Variants in HDAC8 observed in about 807,000 individuals in gnomAD.
HDAC8 encodes the protein histone deacetylase-like 1.
A neutral mutation model predicts 32.2 loss-of-function variants in HDAC8; 1 was observed. The ratio of observed to expected loss-of-function variants is 0.03; its 90% confidence interval spans 0.01 to 0.15. HDAC8 has a LOEUF of 0.15. Ranked by LOEUF, HDAC8 falls within the 10% of genes least tolerant of loss-of-function variation. The probability of loss-of-function intolerance (pLI) is 1.00; values close to 1 mark genes in which losing one functional copy is unlikely to be tolerated. For synonymous variants in HDAC8, 108 were observed against 113.9 expected, an observed-to-expected ratio of 0.95 and a Z score of 0.33; for missense variants, 117 against 300.0, an observed-to-expected ratio of 0.39 and a Z score of 4.51.
chrX:72,393,426 T>C (rs1216373994), intron 9 of HDAC8, among the ~76,000 whole-genome samples: 2 of 112,161 alleles, frequency 1.8e-5, no homozygotes, highest in African/African-American at 6.5e-5. Context: ...TGTGCTTTCC[T>C]CCCAATACAG....
At chrX:72,499,612 A>G (rs782703266) in intron 4 of HDAC8, among the ~76,000 whole-genome samples, 1 of 112,150 alleles carries the variant, frequency 8.9e-6, no homozygotes, top group South Asian at 3.7e-4. Flanking sequence ...AATAGATACA[A>G]TACACCAGAA....
chrX:72,474,731 TGAG>T, intron 7 of HDAC8: 1 of 1,138,295 alleles, frequency 8.8e-7, no homozygotes, highest in Non-Finnish European at 1.2e-6. Context: ...GGTTCGTACC[TGAG>T]GAGGATAAAA....
At chrX:72,338,686 A>AATAT (rs10632030) in intron 10 of HDAC8, among the ~76,000 whole-genome samples, 310 of 92,234 alleles carry the variant, frequency 3.4e-3, no homozygotes, top group Middle Eastern at 5.6e-3. Flanking sequence ...TATATATACA[A>AATAT]ATATATATAT....
At chrX:72,365,622 A>G (rs1433163453) in intron 9 of HDAC8, among the ~76,000 whole-genome samples, 12 of 112,169 alleles carry the variant, frequency 1.1e-4, no homozygotes, top group Admixed American at 9.5e-4. Context: ...AATAAGGACA[A>G]TGAAGATATA....
At chrX:72,498,193 C>T (rs894093928) in intron 4 of HDAC8, among the ~76,000 whole-genome samples, 125 of 97,196 alleles carry the variant, frequency 1.3e-3, no homozygotes, top group African/African-American at 4.4e-3. Flanking sequence ...AAGATTTGTT[C>T]TTTCACCTTA....
chrX:72,566,979 CTACAAAAA>C (rs1361935652), intron 4 of HDAC8, among the ~76,000 whole-genome samples: 1 of 111,695 alleles, frequency 9.0e-6, no homozygotes, highest in Admixed American at 9.5e-5. Flanking sequence ...AACCCTGTCT[CTACAAAAA>C]TACAAAAATT....
intron 4 of HDAC8, among the ~76,000 whole-genome samples, chrX:72,544,483 G>C (rs2050801309): frequency 8.9e-6 from 1 of 111,737 alleles, no homozygotes. Context: ...ACAGGTGGTA[G>C]ATGGATTGCT....
chrX:72,444,177 C>T (rs2047287412), intron 9 of HDAC8, among the ~76,000 whole-genome samples: 1 of 101,328 alleles, frequency 9.9e-6, no homozygotes, highest in African/African-American at 3.7e-5. Context: ...TCCTCCCTAA[C>T]TCATTTTATG....
chrX:72,532,936 C>T (rs1369767485), intron 4 of HDAC8, among the ~76,000 whole-genome samples: 2 of 111,722 alleles, frequency 1.8e-5, no homozygotes, highest in Non-Finnish European at 3.8e-5. Flanking sequence ...TCTAAGAAGC[C>T]TAACCCAGGT....
At chrX:72,425,077 T>C (rs1407512075) in intron 9 of HDAC8, among the ~76,000 whole-genome samples, 2 of 111,918 alleles carry the variant, frequency 1.8e-5, no homozygotes, top group Admixed American at 9.5e-5. Context: ...TAGAAGTAGA[T>C]TTGTGGGATC....
intron 9 of HDAC8, among the ~76,000 whole-genome samples, chrX:72,403,742 G>A (rs979242643): frequency 9.8e-5 from 11 of 111,698 alleles, no homozygotes; most frequent in Middle Eastern, 9.2e-3. Flanking sequence ...CAGGAGAATC[G>A]CTTGAACTCG....
chrX:72,387,739 ACTT>A (rs781855730), intron 9 of HDAC8, among the ~76,000 whole-genome samples: 4 of 112,243 alleles, frequency 3.6e-5, no homozygotes, highest in East Asian at 2.8e-4. Context: ...TGCTTGTTGT[ACTT>A]CTTCTTTCTG....
intron 7 of HDAC8, among the ~76,000 whole-genome samples, chrX:72,477,898 A>T: frequency 8.9e-6 from 1 of 111,950 alleles, no homozygotes; most frequent in Non-Finnish European, 1.9e-5. Flanking sequence ...GGGAAACTGG[A>T]TCTCTGGCAA....
chrX:72,342,083 G>T (rs1272924025), intron 10 of HDAC8, among the ~76,000 whole-genome samples: 1 of 112,413 alleles, frequency 8.9e-6, no homozygotes, highest in Non-Finnish European at 1.9e-5. Flanking sequence ...GGACTAATTT[G>T]CATGTCACAA....
At chrX:72,351,660 A>G in intron 10 of HDAC8, 73 bp downstream of exon 10, 1 of 697,084 alleles carries the variant, frequency 1.4e-6, no homozygotes, top group South Asian at 2.5e-5. Flanking sequence ...ATGGTATTTA[A>G]GGAAGCCCCC....
chrX:72,476,057 T>C (rs138332267), intron 7 of HDAC8, among the ~76,000 whole-genome samples: 1,685 of 111,092 alleles, frequency 0.015, 23 homozygotes, highest in Admixed American at 0.032. Context: ...ATTTTTAACA[T>C]ATTATTACTT....
chrX:72,521,078 G>A (rs1232812171), intron 4 of HDAC8, among the ~76,000 whole-genome samples: 1 of 111,963 alleles, frequency 8.9e-6, no homozygotes, highest in African/African-American at 3.2e-5. Flanking sequence ...TTTGTAATTA[G>A]CAAGGAATCT....
chrX:72,360,817 T>C (rs1555952262), intron 9 of HDAC8, among the ~76,000 whole-genome samples: 2 of 112,710 alleles, frequency 1.8e-5, no homozygotes, highest in East Asian at 5.5e-4. Flanking sequence ...TGAATACATA[T>C]GGCATTTATG....
intron 6 of HDAC8, among the ~76,000 whole-genome samples, chrX:72,489,906 G>C (rs1320259381): frequency 9.0e-6 from 1 of 110,824 alleles, no homozygotes; most frequent in East Asian, 2.8e-4. Context: ...AAATTTACAA[G>C]AAAAAAACAA....
Sources: gnomAD v4.1 joint callset for allele counts (sites outside exome capture counted in the v4.1 genomes callset) on GRCh38, gnomAD v4.1.1 for gene constraint, MANE v1.5 for transcripts, NCBI Gene and HGNC (gene_info 2026-07-23, HGNC 2026-07-21) for gene names.